OSBPL10: variants seen among roughly 807,000 people sequenced by gnomAD.
The protein encoded by OSBPL10 is oxysterol binding protein like 10, also known as oxysterol-binding protein-related protein 10.
OSBPL10 carries 49 observed loss-of-function variants against 81.7 expected under a neutral mutation model. That is an observed-to-expected ratio of 0.60 (90% CI 0.48 to 0.76). The LOEUF (loss-of-function observed/expected upper bound fraction) is 0.76. Ranked by LOEUF, OSBPL10 falls within the 30% of genes least tolerant of loss-of-function variation. The pLI is 0.00. For synonymous variants in OSBPL10, 419 were observed against 383.6 expected, an observed-to-expected ratio of 1.09 and a Z score of -1.08; for missense variants, 923 against 987.8, an observed-to-expected ratio of 0.93 and a Z score of 0.88.
intron 1 of OSBPL10, among the ~76,000 whole-genome samples, chr3:31,913,043 C>G (rs1024616248): frequency 7.9e-5 from 12 of 152,092 alleles, no homozygotes; most frequent in Non-Finnish European, 1.6e-4. Flanking sequence ...TATATAACAG[C>G]ATAAGAACTG....
intron 1 of OSBPL10, among the ~76,000 whole-genome samples, chr3:31,904,076 G>A (rs1204518145): frequency 6.6e-6 from 1 of 152,198 alleles, no homozygotes; most frequent in Non-Finnish European, 1.5e-5. Context: ...CACAAGGGCT[G>A]ACAGGTCCCA....
chr3:32,026,456 G>T (rs909174541), intron 2 of OSBPL10, among the ~76,000 whole-genome samples: 7 of 152,148 alleles, frequency 4.6e-5, no homozygotes, highest in African/African-American at 1.4e-4. Flanking sequence ...TTTGAGGAAT[G>T]TCTTTCTTCT....
At chr3:32,070,401 T>C (rs777683540) in intron 1 of OSBPL10, among the ~76,000 whole-genome samples, 3 of 152,162 alleles carry the variant, frequency 2.0e-5, no homozygotes, top group Non-Finnish European at 4.4e-5. Context: ...CTTCCCTGAT[T>C]ATTCCTGGAC....
intron 2 of OSBPL10, among the ~76,000 whole-genome samples, chr3:32,029,406 G>C (rs1292113841): frequency 1.3e-5 from 2 of 152,200 alleles, no homozygotes; most frequent in South Asian, 4.2e-4. Context: ...GGTGTTCTAA[G>C]GCTTTTTAAT....
chr3:31,834,586 A>G (rs546892226), intron 3 of OSBPL10, among the ~76,000 whole-genome samples: 13 of 152,316 alleles, frequency 8.5e-5, no homozygotes, highest in African/African-American at 3.1e-4. Context: ...TAAATTTCCC[A>G]AGGTTGCAAA....
At position 31,886,610 on chromosome 3, in the gene OSBPL10, C is replaced by T. The variant is rs144663778; in HGVS notation, c.282-6780G>A. ...AACAGACTTCTGCACCCTGTCTCGT[C>T]CTGACCAATGGCAACTATGCCATGT... On this transcript the variant is annotated intron_variant, in intron 1 of 11. Transcript: ENST00000396556. Among the ~76,000 whole-genome samples the T allele has an allele frequency of 3.0e-4, 46 of 152,362 alleles. 1 individual carries two copies. Among genetic ancestry groups the T allele is most frequent in the African/African-American group, 1.1e-3 (46 of 41,584 alleles).
At chr3:32,048,994 T>A (rs1446075297) in intron 1 of OSBPL10, among the ~76,000 whole-genome samples, 1 of 152,044 alleles carries the variant, frequency 6.6e-6, no homozygotes, top group Non-Finnish European at 1.5e-5. Context: ...TATGACAGTT[T>A]ACAAATGCCA....
At chr3:32,008,760 GAAAAA>G (rs11328847) in intron 2 of OSBPL10, among the ~76,000 whole-genome samples, 1 of 114,526 alleles carries the variant, frequency 8.7e-6, no homozygotes, top group Non-Finnish European at 1.8e-5. Flanking sequence ...ATCCTGACTG[GAAAAA>G]AAAAAAAAAA....
chr3:31,673,763 G>C (rs1318189677), intron 8 of OSBPL10, among the ~76,000 whole-genome samples: 1 of 152,116 alleles, frequency 6.6e-6, no homozygotes, highest in African/African-American at 2.4e-5. Context: ...TGATATATGG[G>C]ATGACACTCT....
At chr3:31,728,090 G>C (rs993496999) in intron 6 of OSBPL10, among the ~76,000 whole-genome samples, 1 of 152,176 alleles carries the variant, frequency 6.6e-6, no homozygotes, top group African/African-American at 2.4e-5. Context: ...ATGTTTACTT[G>C]AAAATTCAAT....
At chr3:31,882,481 T>G (rs1223999514) in intron 1 of OSBPL10, among the ~76,000 whole-genome samples, 1 of 152,242 alleles carries the variant, frequency 6.6e-6, no homozygotes, top group Non-Finnish European at 1.5e-5. Context: ...GAAACTGTTT[T>G]AACAAGCTTC....
At chr3:31,760,084 G>A (rs1013195468) in intron 4 of OSBPL10, among the ~76,000 whole-genome samples, 12 of 152,008 alleles carry the variant, frequency 7.9e-5, no homozygotes, top group Non-Finnish European at 1.2e-4. Context: ...TTTAAAAATC[G>A]CAAGGAAGAG....
At chr3:31,797,240 T>G (rs7640372) in intron 4 of OSBPL10, among the ~76,000 whole-genome samples, 3,223 of 152,228 alleles carry the variant, frequency 0.021, 107 homozygotes, top group African/African-American at 0.073. Context: ...TGATCCGGCC[T>G]CTTCGGCCTC....
intron 2 of OSBPL10, among the ~76,000 whole-genome samples, chr3:32,038,937 T>A (rs1699545215): frequency 6.6e-6 from 1 of 152,060 alleles, no homozygotes; most frequent in African/African-American, 2.4e-5. Flanking sequence ...TAAAAGACTG[T>A]TACAAGTCAA....
At chr3:31,795,752 C>G (rs1256722831) in intron 4 of OSBPL10, 1 of 229,126 alleles carries the variant, frequency 4.4e-6, no homozygotes, top group Non-Finnish European at 9.8e-6. Flanking sequence ...AAACTTCATA[C>G]TGGAGAAAGA....
chr3:32,004,288 C>G (rs1326118352), intron 2 of OSBPL10, among the ~76,000 whole-genome samples: 1 of 152,068 alleles, frequency 6.6e-6, no homozygotes, highest in African/African-American at 2.4e-5. Flanking sequence ...CAGTGTGGAC[C>G]TGGAGGGCCT....
chr3:31,790,005 T>G (rs1278506974), intron 4 of OSBPL10, among the ~76,000 whole-genome samples: 1 of 152,142 alleles, frequency 6.6e-6, no homozygotes, highest in Non-Finnish European at 1.5e-5. Context: ...TAACATTAAT[T>G]TTTAAGAACA....
At chr3:31,816,393 G>A (rs1400857735) in intron 4 of OSBPL10, among the ~76,000 whole-genome samples, 5 of 152,188 alleles carry the variant, frequency 3.3e-5, no homozygotes, top group Non-Finnish European at 5.9e-5. Flanking sequence ...AACCAAGCCT[G>A]CTTGACAGGT....
chr3:31,686,518 A>G (rs1052254996), intron 7 of OSBPL10, among the ~76,000 whole-genome samples: 1 of 152,206 alleles, frequency 6.6e-6, no homozygotes, highest in East Asian at 1.9e-4. Context: ...AACACTCAAA[A>G]TGTTAACATA....
Sources: allele counts gnomAD v4.1 joint callset (sites outside exome capture counted in the v4.1 genomes callset), GRCh38; gene constraint gnomAD v4.1.1; transcripts MANE v1.5; gene names NCBI Gene and HGNC (gene_info 2026-07-23, HGNC 2026-07-21).